DIAPH2: variants seen among roughly 807,000 people sequenced by gnomAD.
DIAPH2 encodes the protein protein diaphanous homolog 2.
DIAPH2 carries 35 observed loss-of-function variants against 92.7 expected under a neutral mutation model. The observed-to-expected ratio is 0.38, with a 90% CI of 0.29 to 0.50. The LOEUF is 0.50. DIAPH2 is among the 20% of genes least tolerant of loss of function. DIAPH2 has a pLI of 0.94. For synonymous variants in DIAPH2, 301 were observed against 280.4 expected (o/e 1.07, Z -0.73); for missense variants, 701 against 819.5 (o/e 0.86, Z 1.77).
chrX:97,155,338 G>GA (rs2067314577), intron 22 of DIAPH2, among the ~76,000 whole-genome samples: 1 of 109,604 alleles, frequency 9.1e-6, no homozygotes, highest in African/African-American at 3.3e-5. Context: ...CCGTCTCTAC[G>GA]AAAAATACAA....
At chrX:97,271,132 A>G (rs2147584322) in intron 23 of DIAPH2, among the ~76,000 whole-genome samples, 1 of 111,136 alleles carries the variant, frequency 9.0e-6, no homozygotes, top group Admixed American at 9.7e-5. Context: ...TGCTGGGTGC[A>G]CCTGTATACA....
At chrX:97,531,671 A>G (rs911695922) in intron 26 of DIAPH2, among the ~76,000 whole-genome samples, 1 of 112,427 alleles carries the variant, frequency 8.9e-6, no homozygotes, top group Non-Finnish European at 1.9e-5. Context: ...GGATTGAAAG[A>G]AATAGGTTTC....
chrX:96,881,393 T>C (rs20375), intron 4 of DIAPH2, among the ~76,000 whole-genome samples, 186 bp from the exon 5 acceptor site: 5,849 of 110,954 alleles, frequency 0.053, 175 homozygotes, highest in Middle Eastern at 0.14. Flanking sequence ...TTTTTTTAAA[T>C]GAGGTTGAGG....
chrX:97,343,933 T>C (rs895693342), intron 23 of DIAPH2, among the ~76,000 whole-genome samples: 1 of 111,577 alleles, frequency 9.0e-6, no homozygotes. Context: ...ACTATTACAG[T>C]GTCTACATTC....
At chrX:96,740,987 A>G (rs2064115684) in intron 3 of DIAPH2, among the ~76,000 whole-genome samples, 1 of 110,434 alleles carries the variant, frequency 9.1e-6, no homozygotes, top group Non-Finnish European at 1.9e-5. Flanking sequence ...TTACGAGTAA[A>G]TTGAAGCATT....
At chrX:96,847,134 T>C in intron 4 of DIAPH2, among the ~76,000 whole-genome samples, 1 of 111,894 alleles carries the variant, frequency 8.9e-6, no homozygotes, top group East Asian at 2.8e-4. Context: ...AAAACTTGTA[T>C]GTGAGCTGTG....
chrX:97,389,465 CAAAAAAAAAA>C (rs1164301048), intron 25 of DIAPH2, among the ~76,000 whole-genome samples: 1 of 34,530 alleles, frequency 2.9e-5, no homozygotes, highest in Non-Finnish European at 5.5e-5. Flanking sequence ...GACTCTGTCT[CAAAAAAAAAA>C]AAAAAAAAAA....
At position 97,109,413 on chromosome X, in the gene DIAPH2, C is replaced by A. The variant is rs987633047; in HGVS notation, c.2350-5313C>A. On this transcript the variant is annotated intron_variant, in intron 20 of 26. Transcript: ENST00000324765. ...CTCCAGCTTGGGCAACAGAGTGAGA[C>A]CCTGTCTCTAAAAAGTAAAGTGACA... Among the ~76,000 whole-genome samples, 6 of 111,579 alleles carry A rather than the reference C, an allele frequency of 5.4e-5. No individual in the cohort carries two copies. The Admixed American group carries it at 5.7e-4, about 11-fold the overall frequency.
chrX:97,457,571 T>G (rs1269015171), intron 26 of DIAPH2, among the ~76,000 whole-genome samples: 2 of 111,751 alleles, frequency 1.8e-5, no homozygotes, highest in Non-Finnish European at 3.8e-5. Flanking sequence ...CTCATGAGAT[T>G]GCAGTCAAGA....
chrX:97,294,687 T>C (rs1208463542), intron 23 of DIAPH2, among the ~76,000 whole-genome samples: 3 of 111,846 alleles, frequency 2.7e-5, no homozygotes, highest in Non-Finnish European at 3.8e-5. Context: ...TTATACACTA[T>C]CATCATCATA....
At chrX:97,394,659 A>G (rs2069688589) in intron 25 of DIAPH2, among the ~76,000 whole-genome samples, 1 of 111,930 alleles carries the variant, frequency 8.9e-6, no homozygotes, top group African/African-American at 3.2e-5. Flanking sequence ...CTTTAGGTCC[A>G]TGTTAAGGCA....
intron 4 of DIAPH2, among the ~76,000 whole-genome samples, chrX:96,810,588 T>A (rs1402491904): frequency 8.9e-6 from 1 of 111,897 alleles, no homozygotes; most frequent in Non-Finnish European, 1.9e-5. Context: ...CATGAGGTCC[T>A]TGCCCATGCC....
intron 23 of DIAPH2, among the ~76,000 whole-genome samples, chrX:97,340,708 T>C (rs2069106122): frequency 9.7e-6 from 1 of 103,093 alleles, no homozygotes; most frequent in South Asian, 4.6e-4. Flanking sequence ...CAGGCTGGAG[T>C]GCAGTGGCAT....
Position 97,443,329 on chromosome X carries a change from A to G in DIAPH2, c.3241+13584A>G, listed in dbSNP as rs188198932. On this transcript the variant is annotated intron_variant, in intron 26 of 26. Transcript: ENST00000324765. ...CCTTTTAAAGTTATGCTCAAAGTCA[A>G]CTCTCTTAAAGATATATTGATAGAT... 5.6e-3 allele frequency among the ~76,000 whole-genome samples: 631 copies of G among 111,953 alleles called. 2 individuals carry two copies. Among genetic ancestry groups the G allele is most frequent in the African/African-American group, 0.019 (598 of 30,848 alleles).
At position 97,578,318 on chromosome X, in the gene DIAPH2, C is replaced by T. The variant is rs867737702; in HGVS notation, c.3242-20935C>T. 1.0e-4 allele frequency among the ~76,000 whole-genome samples: 11 copies of T among 107,539 alleles called. No homozygotes were observed. The East Asian group carries it at 1.8e-3, about 17-fold the overall frequency. The allele number at this position is 107,539 out of a possible 115,157, so 93.4% of individuals were successfully genotyped here. Reference sequence around the variant, plus strand: ...TATATCTCCCAATGCTATCCCTCCCCGCTCCCCCCACCCCACAACAGTCCC... The same window carrying T: ...TATATCTCCCAATGCTATCCCTCCCTGCTCCCCCCACCCCACAACAGTCCC... On this transcript the variant is annotated intron_variant, in intron 26 of 26. Coordinates refer to ENST00000324765, the MANE Select transcript of DIAPH2 (RefSeq NM_006729.5).
chrX:97,109,338 C>T (rs537701514), intron 20 of DIAPH2, among the ~76,000 whole-genome samples: 1 of 111,204 alleles, frequency 9.0e-6, no homozygotes, highest in Admixed American at 9.6e-5. Flanking sequence ...GGAAGATCGC[C>T]TGAGCCCCGG....
In DIAPH2 at chrX:97,600,859, A is replaced by AGAT. The variant is rs1472085131; in HGVS notation, c.*1546_*1548dup. 8.9e-6 allele frequency: 1 copy of AGAT among 112,380 alleles called. No individual in the cohort carries two copies. The highest frequency in any genetic ancestry group is 2.8e-4 in the East Asian group (1 of 3,596). 9.3% of individuals were successfully genotyped at this position (112,380 alleles called of 1,213,427 possible). ...AGTAAACAAGTGACCAGCAGCCCAC[A>AGAT]GATGATTCCTTTATATAGATGTATA... On this transcript the variant is annotated 3_prime_UTR_variant, in exon 27 of 27. Transcript: ENST00000324765.
At chrX:96,738,451 G>T (rs1244149568) in intron 2 of DIAPH2, 135 bp from the exon 3 acceptor site, 1 of 487,867 alleles carries the variant, frequency 2.0e-6, no homozygotes, top group Non-Finnish European at 3.2e-6. Flanking sequence ...GGAGCTTGCT[G>T]CTTAAAATAG....
intron 21 of DIAPH2, among the ~76,000 whole-genome samples, chrX:97,140,946 T>G (rs1332657263): frequency 9.0e-6 from 1 of 111,691 alleles, no homozygotes; most frequent in Non-Finnish European, 1.9e-5. Context: ...TCTAAGTAAA[T>G]CCTTGATTTT....
Sources: allele counts gnomAD v4.1 joint callset (sites outside exome capture counted in the v4.1 genomes callset), GRCh38; gene constraint gnomAD v4.1.1; transcripts MANE v1.5; gene names NCBI Gene and HGNC (gene_info 2026-07-23, HGNC 2026-07-21).